Variants in CDH19 observed in about 807,000 individuals in gnomAD.
CDH19 encodes cadherin 19.
A neutral mutation model predicts 64.2 loss-of-function variants in CDH19; 67 were observed. That is an observed-to-expected ratio of 1.04 (90% CI 0.86 to 1.28). CDH19 has a LOEUF of 1.28. Ranked by LOEUF, CDH19 falls within the 50% of genes most tolerant of loss-of-function variation. The pLI, the probability that CDH19 is intolerant of heterozygous loss-of-function variation, is 0.00. For synonymous variants in CDH19, 346 were observed against 319.3 expected (o/e 1.08, Z -0.89); for missense variants, 1,030 against 929.0 (o/e 1.11, Z -1.41).
intron 1 of CDH19, among the ~76,000 whole-genome samples, chr18:66,587,727 C>T (rs570391534): frequency 4.0e-4 from 61 of 152,176 alleles, no homozygotes; most frequent in African/African-American, 1.3e-3. Flanking sequence ...ACCAAGCCTG[C>T]GTCACTGAGT....
In CDH19 at chr18:66,601,746, TG is replaced by T. The variant is rs367728786; in HGVS notation, c.-113+2207del. On this transcript the variant is annotated intron_variant, in intron 1 of 11. Coordinates refer to ENST00000262150, the MANE Select transcript of CDH19 (RefSeq NM_021153.4). ...GGCAGGCATCATTTGAAAAGGAAAT[TG>T]ATCTGTTACACATTTTGACAGGCTT... Among the ~76,000 whole-genome samples, 640 of 152,064 alleles carry T rather than the reference TG, an allele frequency of 4.2e-3. 8 individuals carry two copies. Among genetic ancestry groups the T allele is most frequent in the African/African-American group, 0.014 (602 of 41,568 alleles).
intron 5 of CDH19, among the ~76,000 whole-genome samples, chr18:66,547,510 CA>C (rs1365903021): frequency 6.6e-6 from 1 of 151,934 alleles, no homozygotes; most frequent in East Asian, 1.9e-4. Context: ...TCTAATTCTT[CA>C]AACAGTGGTG....
At chr18:66,530,922 C>CA (rs1986418154) in intron 8 of CDH19, among the ~76,000 whole-genome samples, 2 of 152,156 alleles carry the variant, frequency 1.3e-5, no homozygotes, top group South Asian at 4.1e-4. Flanking sequence ...AAATTGGGGG[C>CA]AGAAGTGTGG....
At chr18:66,512,670 A>C (rs1985548886) in intron 9 of CDH19, among the ~76,000 whole-genome samples, 1 of 146,464 alleles carries the variant, frequency 6.8e-6, no homozygotes, top group Admixed American at 6.9e-5. Context: ...ATATTCATTT[A>C]GTGTTAATTA....
At chr18:66,542,970 A>T (rs1207578157) in intron 7 of CDH19, among the ~76,000 whole-genome samples, 2 of 152,158 alleles carry the variant, frequency 1.3e-5, no homozygotes, top group African/African-American at 4.8e-5. Context: ...GACCACTGCT[A>T]TAAAAGCTTT....
intron 7 of CDH19, 124 bp from the exon 8 acceptor site, chr18:66,535,231 C>A: frequency 2.2e-6 from 1 of 452,040 alleles, no homozygotes; most frequent in Non-Finnish European, 3.7e-6. Flanking sequence ...TATATAATAC[C>A]GAACAACTTT....
At chr18:66,588,786 T>C (rs562960484) in intron 1 of CDH19, among the ~76,000 whole-genome samples, 2 of 151,834 alleles carry the variant, frequency 1.3e-5, no homozygotes, top group East Asian at 3.9e-4. Context: ...TTGGTTTTAT[T>C]ACACAGTGTT....
chr18:66,547,367 G>A (rs944876310), intron 5 of CDH19, among the ~76,000 whole-genome samples: 2 of 152,024 alleles, frequency 1.3e-5, no homozygotes, highest in Non-Finnish European at 2.9e-5. Context: ...TGTGTTTTGT[G>A]TATGTGCATT....
intron 1 of CDH19, among the ~76,000 whole-genome samples, chr18:66,583,302 C>T (rs560686123): frequency 1.4e-4 from 22 of 151,964 alleles, no homozygotes; most frequent in South Asian, 4.1e-4. Context: ...TTATAGGGTT[C>T]GTGTGAGAAA....
intron 1 of CDH19, among the ~76,000 whole-genome samples, chr18:66,593,894 CAG>C (rs2144633616): frequency 6.6e-6 from 1 of 152,128 alleles, no homozygotes; most frequent in South Asian, 2.1e-4. Flanking sequence ...AGAGGGAAAA[CAG>C]AGAGTTGGGA....
intron 3 of CDH19, among the ~76,000 whole-genome samples, chr18:66,558,282 G>A (rs550959951): frequency 9.6e-4 from 146 of 151,326 alleles, no homozygotes; most frequent in Non-Finnish European, 1.6e-3. Flanking sequence ...AATGTTGGCT[G>A]TAAAATTTAG....
intron 1 of CDH19, among the ~76,000 whole-genome samples, chr18:66,592,324 T>A (rs930664148): frequency 2.0e-5 from 3 of 151,918 alleles, no homozygotes; most frequent in African/African-American, 7.2e-5. Flanking sequence ...TGTGTGATGA[T>A]AAAATCAGGG....
At chr18:66,546,673 AT>A (rs1568190929) in intron 5 of CDH19, among the ~76,000 whole-genome samples, 2 of 152,188 alleles carry the variant, frequency 1.3e-5, no homozygotes, top group Non-Finnish European at 2.9e-5. Context: ...AGATACTGGT[AT>A]ATAAGAAGGT....
rs189599686 is a variant in CDH19, at chr18:66,586,226, T to C, written c.-112-13910A>G. On this transcript the variant is annotated intron_variant, in intron 1 of 11. Transcript: ENST00000262150. ...AAATATTGAGTAGGCGTGGCCAAAA[T>C]GATATATCATAGACTTAGAATTTGT... Among the ~76,000 whole-genome samples, 382 of 152,148 alleles carry C rather than the reference T, an allele frequency of 2.5e-3. 1 individual carries two copies. The highest frequency in any genetic ancestry group is 8.9e-3 in the African/African-American group (369 of 41,556).
At chr18:66,602,459 T>A (rs895512522) in intron 1 of CDH19, among the ~76,000 whole-genome samples, 2 of 151,892 alleles carry the variant, frequency 1.3e-5, no homozygotes, top group Non-Finnish European at 2.9e-5. Context: ...TAATCAAAAA[T>A]TTTTTTATGT....
At chr18:66,521,924 G>T (rs927111377) in intron 9 of CDH19, among the ~76,000 whole-genome samples, 2 of 44,910 alleles carry the variant, frequency 4.5e-5, no homozygotes, top group Non-Finnish European at 1.1e-4. Flanking sequence ...TTCTGTTGTT[G>T]TTGTTGTTGT....
chr18:66,525,967 A>G (rs956811288), intron 9 of CDH19, among the ~76,000 whole-genome samples: 1 of 152,140 alleles, frequency 6.6e-6, no homozygotes, highest in Non-Finnish European at 1.5e-5. Context: ...TGAAGAGTGC[A>G]TATCCCAGGA....
chr18:66,554,570 G>A, intron 3 of CDH19, 46 bp from the exon 4 acceptor site: 2 of 1,562,924 alleles, frequency 1.3e-6, no homozygotes, highest in Non-Finnish European at 1.7e-6. Flanking sequence ...GTTTTATTCA[G>A]GATGAATTCA....
chr18:66,540,512 T>G (rs1986847117), intron 7 of CDH19, among the ~76,000 whole-genome samples: 1 of 152,124 alleles, frequency 6.6e-6, no homozygotes, highest in Non-Finnish European at 1.5e-5. Flanking sequence ...TTGTCACATT[T>G]CTAGAGGCTG....
Sources: allele counts gnomAD v4.1 joint callset (sites outside exome capture counted in the v4.1 genomes callset), GRCh38; gene constraint gnomAD v4.1.1; transcripts MANE v1.5; gene names NCBI Gene and HGNC (gene_info 2026-07-23, HGNC 2026-07-21).